RASAL2: variants seen among roughly 807,000 people sequenced by gnomAD.
RASAL2 encodes the protein RAS protein activator like 2, also known as ras GTPase-activating protein nGAP.
RASAL2 carries 58 observed loss-of-function variants against 128.9 expected under a neutral mutation model. The ratio of observed to expected loss-of-function variants is 0.45; its 90% CI spans 0.36 to 0.56. RASAL2 has a LOEUF of 0.56. Ranked by LOEUF, RASAL2 falls within the 20% of genes least tolerant of loss-of-function variation. The pLI, the probability that RASAL2 is intolerant of heterozygous loss-of-function variation, is 0.00. For synonymous variants in RASAL2, 561 were observed against 580.8 expected (o/e 0.97, Z 0.49); for missense variants, 1,360 against 1,601.6 (o/e 0.85, Z 2.57).
At chr1:178,209,004 G>C (rs1434529090) in intron 1 of RASAL2, among the ~76,000 whole-genome samples, 3 of 151,712 alleles carry the variant, frequency 2.0e-5, no homozygotes, top group Admixed American at 2.0e-4. Flanking sequence ...ATGATCGTAT[G>C]GTACTTTGGT....
At chr1:178,438,686 A>T (rs527594916) in intron 5 of RASAL2, among the ~76,000 whole-genome samples, 1 of 152,124 alleles carries the variant, frequency 6.6e-6, no homozygotes, top group South Asian at 2.1e-4. Context: ...GTTGACAAAG[A>T]TCTCTCTTCT....
At chr1:178,339,992 A>T (rs1043413228) in intron 3 of RASAL2, among the ~76,000 whole-genome samples, 2 of 152,164 alleles carry the variant, frequency 1.3e-5, no homozygotes, top group Non-Finnish European at 2.9e-5. Context: ...AGTCAGTTTC[A>T]ATACTTAGCT....
chr1:178,388,876 C>T (rs1183955750), intron 3 of RASAL2, among the ~76,000 whole-genome samples: 1 of 152,124 alleles, frequency 6.6e-6, no homozygotes, highest in Admixed American at 6.5e-5. Flanking sequence ...CTGTTAATAG[C>T]CTGAAAGTAA....
intron 1 of RASAL2, among the ~76,000 whole-genome samples, chr1:178,131,208 A>G (rs1243670248): frequency 6.6e-6 from 1 of 151,826 alleles, no homozygotes; most frequent in Non-Finnish European, 1.5e-5. Flanking sequence ...AAATGGAAAT[A>G]TTTATTTATT....
chr1:178,315,439 T>A (rs1668462887), intron 3 of RASAL2, among the ~76,000 whole-genome samples: 1 of 144,384 alleles, frequency 6.9e-6, no homozygotes, highest in Admixed American at 6.8e-5. Context: ...CTCCACATCC[T>A]CTCCAGCACC....
At chr1:178,401,562 G>T (rs971368272) in intron 4 of RASAL2, among the ~76,000 whole-genome samples, 3 of 152,168 alleles carry the variant, frequency 2.0e-5, no homozygotes, top group African/African-American at 7.2e-5. Flanking sequence ...GTTCACTTGA[G>T]CCCAGGAGTT....
intron 1 of RASAL2, among the ~76,000 whole-genome samples, chr1:178,224,224 A>ATTT (rs35686460): frequency 7.0e-6 from 1 of 143,316 alleles, no homozygotes; most frequent in Non-Finnish European, 1.5e-5. Flanking sequence ...GAAAACTAGA[A>ATTT]TTTTTTTTTT....
chr1:178,155,854 T>C (rs1234600697), intron 1 of RASAL2, among the ~76,000 whole-genome samples: 2 of 152,190 alleles, frequency 1.3e-5, no homozygotes, highest in Non-Finnish European at 2.9e-5. Flanking sequence ...TCCAAGTTGT[T>C]ACAGAGATTC....
chr1:178,341,143 C>T, intron 3 of RASAL2, among the ~76,000 whole-genome samples: 1 of 152,126 alleles, frequency 6.6e-6, no homozygotes, highest in African/African-American at 2.4e-5. Context: ...CATAATAAAA[C>T]ATTCAAAATA....
intron 1 of RASAL2, among the ~76,000 whole-genome samples, chr1:178,222,394 G>T (rs1176373021): frequency 6.6e-6 from 1 of 151,562 alleles, no homozygotes; most frequent in African/African-American, 2.4e-5. Flanking sequence ...TTGTTTCTTA[G>T]CATGTCAGTT....
chr1:178,412,949 T>C (rs944196154), intron 4 of RASAL2, among the ~76,000 whole-genome samples: 1 of 152,054 alleles, frequency 6.6e-6, no homozygotes, highest in Non-Finnish European at 1.5e-5. Context: ...ATCAGAGCTT[T>C]CTTTCTCTTT....
chr1:178,437,504 T>C (rs1459085607), intron 5 of RASAL2, among the ~76,000 whole-genome samples: 2 of 152,120 alleles, frequency 1.3e-5, no homozygotes, highest in East Asian at 3.9e-4. Flanking sequence ...AAAATTAATT[T>C]ATGCTTTAGA....
At chr1:178,327,749 A>G (rs905069885) in intron 3 of RASAL2, among the ~76,000 whole-genome samples, 7 of 152,198 alleles carry the variant, frequency 4.6e-5, no homozygotes, top group Admixed American at 4.6e-4. Flanking sequence ...AGTCCCAAGA[A>G]TGACCTTATT....
rs1647834358 is a variant in RASAL2 at position 178,467,383 on chromosome 1, G to T, written c.3640G>T (p.Ala1214Ser). 1.2e-6 allele frequency: 2 copies of T among 1,614,156 alleles called. No homozygotes were observed. The highest frequency in any genetic ancestry group is 1.7e-6 in the Non-Finnish European group (2 of 1,180,004). ...ELKKDHAEMQAVIDAKQKIID... is the reference protein window; with the variant it reads ...ELKKDHAEMQSVIDAKQKIID... ...GAAGAAGGATCATGCTGAGATGCAA[G>T]CAGTTATTGATGCAAAGCAGAAAAT... Residue 1214 changes from alanine to serine, a missense_variant, in exon 17 of 18, where the codon GCA (alanine) becomes TCA (serine). Physicochemically the swap from Ala to Ser is moderately conservative, Grantham distance 99 (BLOSUM62 1). This residue lies in a region of RASAL2 where 741 missense variants were observed against 868.6 expected (regional missense o/e 0.85). Transcript: ENST00000367649.
chr1:178,476,079 A>C lies in RASAL2; in HGVS notation c.*2840A>C, dbSNP rs1291629082. On this transcript the variant is annotated 3_prime_UTR_variant, in exon 18 of 18. Transcript: ENST00000367649. ...GTAAATAACTTTGTTTGCTGGGAGGAGGTACATGGCTGAAGAGAGGCAAAT... is the reference window on the plus strand; with the variant it reads ...GTAAATAACTTTGTTTGCTGGGAGGCGGTACATGGCTGAAGAGAGGCAAAT... The C allele has an allele frequency of 6.6e-6, 1 of 152,164 alleles. No homozygotes were observed. Among genetic ancestry groups the C allele is most frequent in the Non-Finnish European group, 1.5e-5 (1 of 68,026 alleles). The allele number at this position is 152,164 out of a possible 1,614,324, so 9.4% of individuals were successfully genotyped here. A position where few individuals can be genotyped will look rare whatever the true frequency, so the allele number is the denominator to read the frequency against.
At chr1:178,212,635 G>A (rs1663292353) in intron 1 of RASAL2, among the ~76,000 whole-genome samples, 1 of 152,050 alleles carries the variant, frequency 6.6e-6, no homozygotes, top group African/African-American at 2.4e-5. Context: ...GGGACTACAG[G>A]TATGCACCAC....
intron 1 of RASAL2, among the ~76,000 whole-genome samples, chr1:178,162,504 TTATA>T (rs200785209): frequency 7.8e-6 from 1 of 128,866 alleles, no homozygotes; most frequent in Non-Finnish European, 1.6e-5. Context: ...ATATTTTATA[TTATA>T]TATATTTTAT....
chr1:178,468,650 A>G (rs1225877082), intron 17 of RASAL2, among the ~76,000 whole-genome samples: 1 of 152,222 alleles, frequency 6.6e-6, no homozygotes, highest in African/African-American at 2.4e-5. Flanking sequence ...CTTGAACTCT[A>G]TAGTTTCTGG....
At chr1:178,338,302 G>T (rs771431792) in intron 3 of RASAL2, among the ~76,000 whole-genome samples, 1 of 151,808 alleles carries the variant, frequency 6.6e-6, no homozygotes, top group Middle Eastern at 3.4e-3. Context: ...GCTAATTTTT[G>T]TATTTTTAAT....
Sources: gnomAD v4.1 joint callset for allele counts (sites outside exome capture counted in the v4.1 genomes callset) on GRCh38, gnomAD v4.1.1 for gene constraint, gnomAD v4.1.1 regional missense constraint, MANE v1.5 for transcripts, NCBI Gene and HGNC (gene_info 2026-07-23, HGNC 2026-07-21) for gene names.